Variants in RTN4IP1 observed in about 807,000 individuals in gnomAD.
RTN4IP1 encodes reticulon 4 interacting protein 1, also known as NAD(P)H oxidoreductase RTN4IP1, mitochondrial.
A neutral mutation model predicts 46.6 loss-of-function variants in RTN4IP1; 32 were observed. That is an observed-to-expected ratio of 0.69 (90% confidence interval 0.52 to 0.92). RTN4IP1 has a LOEUF of 0.92. Ranked by LOEUF, RTN4IP1 falls within the 40% of genes least tolerant of loss-of-function variation. The pLI is 0.00. For synonymous variants in RTN4IP1, 167 were observed against 161.8 expected (o/e 1.03, Z -0.24); for missense variants, 424 against 485.8 (o/e 0.87, Z 1.20).
In RTN4IP1 at chr6:106,590,714, C is replaced by CAAAAAAA. The variant is rs35293436; in HGVS notation, c.806+1443_806+1449dup. ...TGGGCGACAGAGTGAGAATCCATCT[C>CAAAAAAA]AAAAAAAAAAAAAAAAAAAAGATAC... On this transcript the variant is annotated intron_variant, in intron 6 of 8. Transcript: ENST00000369063. Among the ~76,000 whole-genome samples, 115 of 68,472 alleles carry CAAAAAAA rather than the reference C, an allele frequency of 1.7e-3. 7 individuals carry two copies. The highest frequency in any genetic ancestry group is 4.1e-3 in the African/African-American group (70 of 17,174). The allele number at this position is 68,472 out of a possible 152,430, so 44.9% of individuals were successfully genotyped here.
intron 8 of RTN4IP1, among the ~76,000 whole-genome samples, chr6:106,576,520 T>C (rs1364150585): frequency 6.6e-6 from 1 of 152,206 alleles, no homozygotes; most frequent in Non-Finnish European, 1.5e-5. Context: ...CCCTAATCAC[T>C]ACATTCTTTC....
chr6:106,609,425 G>A (rs1351050655), intron 4 of RTN4IP1, among the ~76,000 whole-genome samples: 1 of 152,052 alleles, frequency 6.6e-6, no homozygotes, highest in Admixed American at 6.6e-5. Flanking sequence ...AGGTATGGTG[G>A]TGCTGAGGTG....
At chr6:106,617,546 T>G (rs1394317993) in intron 4 of RTN4IP1, among the ~76,000 whole-genome samples, 1 of 152,190 alleles carries the variant, frequency 6.6e-6, no homozygotes, top group African/African-American at 2.4e-5. Context: ...GGTTAGTTAA[T>G]GGCAGAACAG....
intron 8 of RTN4IP1, among the ~76,000 whole-genome samples, chr6:106,575,890 C>T (rs1775215429): frequency 6.6e-6 from 1 of 152,176 alleles, no homozygotes; most frequent in Non-Finnish European, 1.5e-5. Context: ...TTGGCCTCTT[C>T]TTCCACCAGG....
rs150712209 is a variant in RTN4IP1, at chr6:106,590,272, G to A, written c.806+1892C>T. 1.1e-3 allele frequency among the ~76,000 whole-genome samples: 169 copies of A among 152,126 alleles called. 2 individuals are homozygous for A. Among genetic ancestry groups the A allele is most frequent in the African/African-American group, 4.0e-3 (164 of 41,518 alleles). ...GAGGCAGAGGTTGTGCCAAGATCACGCCATTGCACTCCAGCCTGGGCAACA... is the reference window on the plus strand; with the variant it reads ...GAGGCAGAGGTTGTGCCAAGATCACACCATTGCACTCCAGCCTGGGCAACA... On this transcript the variant is annotated intron_variant, in intron 6 of 8. Transcript: ENST00000369063.
chr6:106,578,831 C>T (rs574626259), intron 8 of RTN4IP1, among the ~76,000 whole-genome samples: 142 of 151,994 alleles, frequency 9.3e-4, no homozygotes, highest in East Asian at 3.5e-3. Context: ...AGATAAGGAT[C>T]GGCAAACTTT....
At chr6:106,626,257 G>C (rs896997114) in intron 1 of RTN4IP1, among the ~76,000 whole-genome samples, 2 of 152,098 alleles carry the variant, frequency 1.3e-5, no homozygotes, top group African/African-American at 4.8e-5. Context: ...GTGTTTGAAA[G>C]GTGGGAAAGT....
At position 106,587,913 on chromosome 6, in the gene RTN4IP1, C is replaced by T. The variant is rs751411813; in HGVS notation, c.807-51G>A. ...CATGGTTGTCAGGCTTTACACTGGA[C>T]TCTGATCCTCCTTCCCTTCCAGTAC... On this transcript the variant is annotated intron_variant, in intron 6 of 8. Coordinates refer to ENST00000369063, the MANE Select transcript of RTN4IP1 (RefSeq NM_032730.5). 4 of 1,480,100 alleles carry T rather than the reference C, an allele frequency of 2.7e-6. No homozygotes were observed. In the South Asian group the frequency reaches 3.8e-5, roughly 14 times the overall value. 91.7% of individuals were successfully genotyped at this position (1,480,100 alleles called of 1,614,324 possible). A position where few individuals can be genotyped will look rare whatever the true frequency, so the allele number is the denominator to read the frequency against.
intron 5 of RTN4IP1, among the ~76,000 whole-genome samples, 169 bp downstream of exon 5, chr6:106,602,705 A>T (rs1775976034): frequency 6.6e-6 from 1 of 152,182 alleles, no homozygotes; most frequent in East Asian, 1.9e-4. Context: ...CTAAAAAATA[A>T]TTTTTTCTAA....
chr6:106,623,195 GGTA>G (rs1776532771), intron 1 of RTN4IP1, among the ~76,000 whole-genome samples: 1 of 152,012 alleles, frequency 6.6e-6, no homozygotes, highest in South Asian at 2.1e-4. Context: ...AAAAAACTGT[GGTA>G]CATACACACC....
intron 6 of RTN4IP1, among the ~76,000 whole-genome samples, chr6:106,588,826 C>G (rs2114635463): frequency 6.6e-6 from 1 of 152,098 alleles, no homozygotes; most frequent in East Asian, 2.0e-4. Flanking sequence ...TAAAGAAGGG[C>G]AAGGCCGGGT....
chr6:106,587,597 G>T, intron 7 of RTN4IP1, 82 bp downstream of exon 7: 2 of 1,323,018 alleles, frequency 1.5e-6, no homozygotes, highest in South Asian at 1.4e-5. Context: ...GCCTCCAAGA[G>T]AAGAGAAACT....
intron 4 of RTN4IP1, among the ~76,000 whole-genome samples, chr6:106,611,596 C>T (rs9386573): frequency 0.22 from 32,710 of 152,072 alleles, 4,449 homozygotes; most frequent in East Asian, 0.3. Context: ...TTTTAAATCA[C>T]GGGGAAAACA....
chr6:106,595,094 G>C (rs973385779), intron 5 of RTN4IP1, among the ~76,000 whole-genome samples: 5 of 152,130 alleles, frequency 3.3e-5, no homozygotes, highest in African/African-American at 1.2e-4. Context: ...GAGCCACTGT[G>C]CCCGGCCTTA....
chr6:106,623,122 A>T (rs901694309), intron 1 of RTN4IP1, among the ~76,000 whole-genome samples, 153 bp from the exon 2 acceptor site: 2 of 151,912 alleles, frequency 1.3e-5, no homozygotes, highest in African/African-American at 4.8e-5. Flanking sequence ...GTTCACTGCA[A>T]CACTATTCAC....
At chr6:106,588,925 AC>A (rs1200604567) in intron 6 of RTN4IP1, among the ~76,000 whole-genome samples, 16 of 151,796 alleles carry the variant, frequency 1.1e-4, no homozygotes, top group African/African-American at 2.9e-4. Flanking sequence ...AGCCTGACCA[AC>A]ATGGAGAAAC....
intron 5 of RTN4IP1, among the ~76,000 whole-genome samples, chr6:106,600,676 T>C (rs1241352773): frequency 6.6e-6 from 1 of 152,096 alleles, no homozygotes; most frequent in Non-Finnish European, 1.5e-5. Flanking sequence ...TCATACAATA[T>C]GTAGGACCTT....
Position 106,587,744 on chromosome 6 carries a change from C to A in RTN4IP1, c.925G>T (p.Asp309Tyr), listed in dbSNP as rs1460428020. Reference sequence around the variant, plus strand: ...ATGCCATCTGCTATGCCCAATCGGTCCATGTTCAGGAGGAAAGGAGTCACC... The same window carrying A: ...ATGCCATCTGCTATGCCCAATCGGTACATGTTCAGGAGGAAAGGAGTCACC... Reference protein sequence around the residue: ...TLVTPFLLNMDRLGIADGMLQ... With the variant: ...TLVTPFLLNMYRLGIADGMLQ... Residue 309 changes from aspartate to tyrosine, a missense_variant, in exon 7 of 9, where the codon GAC (aspartate) becomes TAC (tyrosine). Physicochemically the swap from Asp to Tyr is radical, Grantham distance 160 (BLOSUM62 -3). Coordinates refer to ENST00000369063, the MANE Select transcript of RTN4IP1 (RefSeq NM_032730.5). 3.1e-6 allele frequency: 5 copies of A among 1,613,792 alleles called. No homozygotes were observed. The highest frequency in any genetic ancestry group is 1.3e-5 in the African/African-American group (1 of 74,926).
intron 6 of RTN4IP1, among the ~76,000 whole-genome samples, chr6:106,588,481 G>A (rs1163573189): frequency 6.6e-6 from 1 of 152,120 alleles, no homozygotes; most frequent in Admixed American, 6.6e-5. Flanking sequence ...TCAGGACAAT[G>A]CAAAAGGAGA....
Sources: allele counts gnomAD v4.1 joint callset (sites outside exome capture counted in the v4.1 genomes callset), GRCh38; gene constraint gnomAD v4.1.1; transcripts MANE v1.5; gene names NCBI Gene and HGNC (gene_info 2026-07-23, HGNC 2026-07-21).